GSTCD: variants seen among roughly 807,000 people sequenced by gnomAD.
The protein encoded by GSTCD is glutathione S-transferase C-terminal domain-containing protein.
In GSTCD, 44 loss-of-function variants were observed where a neutral mutation model predicts 68.3. That is an observed-to-expected ratio of 0.64 (90% confidence interval 0.51 to 0.83). GSTCD has a LOEUF of 0.83. Ranked by LOEUF, GSTCD falls within the 40% of genes least tolerant of loss-of-function variation. The pLI is 0.00. For synonymous variants in GSTCD, 273 were observed against 255.2 expected, an observed-to-expected ratio of 1.07 and a Z score of -0.67; for missense variants, 739 against 735.9, an observed-to-expected ratio of 1.00 and a Z score of -0.05.
intron 5 of GSTCD, among the ~76,000 whole-genome samples, chr4:105,734,534 C>G (rs1190880456): frequency 6.6e-6 from 1 of 152,192 alleles, no homozygotes; most frequent in Non-Finnish European, 1.5e-5. Flanking sequence ...GTTTTCAGCT[C>G]CATCAGGTCA....
chr4:105,732,419 G>A (rs1733280805), intron 5 of GSTCD, among the ~76,000 whole-genome samples: 1 of 152,158 alleles, frequency 6.6e-6, no homozygotes, highest in Non-Finnish European at 1.5e-5. Context: ...TTTAATCTTT[G>A]GAGGGTGTAT....
chr4:105,734,996 A>T (rs1442754837), intron 5 of GSTCD, among the ~76,000 whole-genome samples: 1 of 152,144 alleles, frequency 6.6e-6, no homozygotes, highest in Non-Finnish European at 1.5e-5. Context: ...AGAACAGCGA[A>T]TATTGTTGAA....
chr4:105,780,301 G>T (rs1438301266), intron 5 of GSTCD, among the ~76,000 whole-genome samples: 1 of 152,214 alleles, frequency 6.6e-6, no homozygotes, highest in East Asian at 1.9e-4. Flanking sequence ...GGGAAGCGCT[G>T]TCTCACAATA....
Position 105,845,520 on chromosome 4 carries a change from C to T in GSTCD, c.1845C>T (p.Ser615=). 1 of 1,614,060 alleles carries T rather than the reference C, an allele frequency of 6.2e-7. No homozygotes were observed. The highest frequency in any genetic ancestry group is 8.5e-7 in the Non-Finnish European group (1 of 1,179,958). ...GTGGATACTCCGTTCAAGTGATATC[C>T]ATGGAGCCAGAGAGCTGCTCTCCCA... is the stretch of plus-strand genomic sequence containing the variant. ...EECGYSVQVI[S]MEPESCSPKN... is the part of the protein sequence containing the mutation. Residue 615 remains serine (S), a synonymous_variant, in exon 12 of 12, where the codon TCC becomes TCT. Coordinates refer to ENST00000515279, the MANE Select transcript of GSTCD (RefSeq NM_001370181.1).
chr4:105,835,156 G>A (rs1466244427), intron 9 of GSTCD, among the ~76,000 whole-genome samples: 1 of 152,218 alleles, frequency 6.6e-6, no homozygotes, highest in Non-Finnish European at 1.5e-5. Context: ...GCTAATAATG[G>A]TAGCAATGTC....
At chr4:105,717,464 C>A in intron 1 of GSTCD, 129 bp from the exon 2 acceptor site, 1 of 596,712 alleles carries the variant, frequency 1.7e-6, no homozygotes, top group Non-Finnish European at 2.8e-6. Flanking sequence ...CAGAAACAAA[C>A]CTTATAGCAT....
chr4:105,793,065 A>G (rs1667666552), intron 5 of GSTCD, among the ~76,000 whole-genome samples: 1 of 152,068 alleles, frequency 6.6e-6, no homozygotes, highest in African/African-American at 2.4e-5. Context: ...AGTCAAGCTT[A>G]TAAAAGTCTC....
At chr4:105,713,425 A>G (rs368410462) in intron 1 of GSTCD, among the ~76,000 whole-genome samples, 3 of 152,226 alleles carry the variant, frequency 2.0e-5, no homozygotes, top group Non-Finnish European at 4.4e-5. Flanking sequence ...TTAGAATAAC[A>G]TAATATCTGA....
chr4:105,836,359 T>C (rs1275532553), intron 9 of GSTCD, among the ~76,000 whole-genome samples: 2 of 152,156 alleles, frequency 1.3e-5, no homozygotes, highest in African/African-American at 2.4e-5. Flanking sequence ...GAAAAAGCAC[T>C]CTAAGTTCTC....
intron 5 of GSTCD, among the ~76,000 whole-genome samples, chr4:105,775,783 T>G (rs897092755): frequency 2.0e-5 from 3 of 152,204 alleles, no homozygotes; most frequent in Non-Finnish European, 4.4e-5. Context: ...AGGTGTCTGT[T>G]GACCCCTGCT....
At chr4:105,710,387 C>CTTTT (rs70941210) in intron 1 of GSTCD, among the ~76,000 whole-genome samples, 1 of 123,678 alleles carries the variant, frequency 8.1e-6, no homozygotes, top group African/African-American at 3.0e-5. Context: ...CACTCGGCTC[C>CTTTT]TTTTTTTTTT....
At chr4:105,822,648 T>C (rs1489295579) in intron 5 of GSTCD, among the ~76,000 whole-genome samples, 1 of 152,128 alleles carries the variant, frequency 6.6e-6, no homozygotes, top group Admixed American at 6.5e-5. Context: ...AGTGTTTCAG[T>C]TATTGTTTCC....
At chr4:105,804,830 C>G (rs886338078) in intron 5 of GSTCD, among the ~76,000 whole-genome samples, 6 of 151,954 alleles carry the variant, frequency 3.9e-5, no homozygotes, top group African/African-American at 1.5e-4. Context: ...GTGTGTTGCT[C>G]CCCTGCCATG....
intron 5 of GSTCD, among the ~76,000 whole-genome samples, chr4:105,812,415 G>A (rs1487374879): frequency 6.6e-6 from 1 of 151,896 alleles, no homozygotes; most frequent in Admixed American, 6.6e-5. Context: ...TGACCAGGCT[G>A]GTCTCAAACT....
intron 5 of GSTCD, among the ~76,000 whole-genome samples, chr4:105,778,369 C>T (rs1220799570): frequency 6.6e-6 from 1 of 152,086 alleles, no homozygotes; most frequent in African/African-American, 2.4e-5. Flanking sequence ...TTCACACTAA[C>T]TTGAAGGATC....
chr4:105,724,327 T>C (rs898867624), intron 3 of GSTCD, among the ~76,000 whole-genome samples: 9 of 151,792 alleles, frequency 5.9e-5, no homozygotes, highest in Non-Finnish European at 1.2e-4. Context: ...AACAAAAATA[T>C]ATGAGTTTGT....
chr4:105,765,753 C>T (rs1734580313), intron 5 of GSTCD, among the ~76,000 whole-genome samples: 1 of 152,110 alleles, frequency 6.6e-6, no homozygotes, highest in African/African-American at 2.4e-5. Context: ...GGGCTGGTTC[C>T]CCCATGCTGT....
intron 5 of GSTCD, among the ~76,000 whole-genome samples, chr4:105,817,259 T>C (rs1723039988): frequency 6.6e-6 from 1 of 151,980 alleles, no homozygotes; most frequent in South Asian, 2.1e-4. Context: ...GTTTGATGTG[T>C]TGAATGAATG....
intron 5 of GSTCD, among the ~76,000 whole-genome samples, chr4:105,770,277 C>T (rs1351208952): frequency 1.3e-5 from 2 of 151,838 alleles, no homozygotes; most frequent in South Asian, 2.1e-4. Context: ...TTAGACTGAG[C>T]GTCTTCTATT....
Sources: gnomAD v4.1 joint callset for allele counts (sites outside exome capture counted in the v4.1 genomes callset) on GRCh38, gnomAD v4.1.1 for gene constraint, MANE v1.5 for transcripts, NCBI Gene and HGNC (gene_info 2026-07-23, HGNC 2026-07-21) for gene names.